The following CNBD1 variants were observed in gnomAD, a reference collection of about 807,000 sequenced individuals.
CNBD1 encodes cyclic nucleotide-binding domain-containing protein 1.
CNBD1 carries 71 observed loss-of-function variants against 54.4 expected under a neutral mutation model. The observed-to-expected ratio is 1.30, with a 90% CI of 1.08 to 1.59. The LOEUF is 1.59. Ranked by LOEUF, CNBD1 falls within the 40% of genes most tolerant of loss-of-function variation. The pLI, the probability that CNBD1 is intolerant of heterozygous loss-of-function variation, is 0.00. For synonymous variants in CNBD1, 182 were observed against 170.7 expected, an observed-to-expected ratio of 1.07 and a Z score of -0.51; for missense variants, 659 against 518.0, an observed-to-expected ratio of 1.27 and a Z score of -2.64.
At chr8:87,008,085 TACTG>T (rs1364752848) in intron 4 of CNBD1, among the ~76,000 whole-genome samples, 1 of 152,208 alleles carries the variant, frequency 6.6e-6, no homozygotes, top group African/African-American at 2.4e-5. Flanking sequence ...ATTTTATCTA[TACTG>T]ACTACTTCTA....
At chr8:87,404,829 G>T (rs1279310566) in intron 2 of CNBD1, among the ~76,000 whole-genome samples, 2 of 64,740 alleles carry the variant, frequency 3.1e-5, no homozygotes, top group African/African-American at 1.5e-4. Flanking sequence ...ATCTTTTTCT[G>T]CAGGCAACAA....
At chr8:87,417,833 T>A (rs933835067) in intron 2 of CNBD1, among the ~76,000 whole-genome samples, 1 of 151,822 alleles carries the variant, frequency 6.6e-6, no homozygotes, top group Non-Finnish European at 1.5e-5. Flanking sequence ...AACAATATAC[T>A]TAGAAATATA....
chr8:87,254,208 G>T (rs889506481), intron 6 of CNBD1, among the ~76,000 whole-genome samples: 2 of 152,114 alleles, frequency 1.3e-5, no homozygotes, highest in African/African-American at 4.8e-5. Flanking sequence ...ACCTGAGGAC[G>T]AAATCCTTGG....
chr8:87,300,701 G>GTGTGT (rs61665988), intron 8 of CNBD1, among the ~76,000 whole-genome samples: 2 of 152,028 alleles, frequency 1.3e-5, no homozygotes, highest in South Asian at 4.1e-4. Context: ...ATATGTGTGT[G>GTGTGT]ATACACACAC....
intron 4 of CNBD1, among the ~76,000 whole-genome samples, chr8:86,960,103 A>C (rs756672556): frequency 3.3e-5 from 5 of 152,162 alleles, no homozygotes; most frequent in Non-Finnish European, 7.3e-5. Context: ...GTGCATTTCC[A>C]ACTGAGGTAC....
intron 4 of CNBD1, among the ~76,000 whole-genome samples, chr8:86,954,768 G>C (rs1807717380): frequency 1.3e-5 from 2 of 152,144 alleles, no homozygotes; most frequent in South Asian, 4.1e-4. Flanking sequence ...TTTCAGCATA[G>C]CTAGGAGCAT....
In CNBD1 at chr8:87,205,993, G is replaced by A. The variant is rs1251467718; in HGVS notation, c.432G>A (p.Leu144=). 2 of 1,469,420 alleles carry A rather than the reference G, an allele frequency of 1.4e-6. No individual in the cohort carries two copies. The highest frequency in any genetic ancestry group is 1.8e-6 in the Non-Finnish European group (2 of 1,113,838). 91.0% of individuals were successfully genotyped at this position (1,469,420 alleles called of 1,614,324 possible). The change falls in exon 5 of 11, where the codon TTG becomes TTA. Residue 144 remains leucine, a splice_region_variant and synonymous_variant. Coordinates refer to ENST00000518476, the MANE Select transcript of CNBD1 (RefSeq NM_173538.3). ...FEEFLAILKK[L]PIHRTPYEHK... ...ATTTGTATTTTTTTTTTTTTTTGAG[G>A]CCCATTCACAGGACGCCATATGAAC...
intron 8 of CNBD1, among the ~76,000 whole-genome samples, chr8:87,293,315 G>A (rs894090409): frequency 2.0e-5 from 3 of 152,046 alleles, no homozygotes; most frequent in African/African-American, 7.2e-5. Flanking sequence ...AGGCTGAGGT[G>A]GGCTGACCAC....
chr8:87,330,020 T>C (rs1413782062), intron 8 of CNBD1, among the ~76,000 whole-genome samples: 1 of 152,010 alleles, frequency 6.6e-6, no homozygotes, highest in Non-Finnish European at 1.5e-5. Context: ...TTATTTTAAC[T>C]GTAGGGTTTT....
At chr8:87,045,656 C>T (rs558306418) in intron 4 of CNBD1, among the ~76,000 whole-genome samples, 5 of 141,946 alleles carry the variant, frequency 3.5e-5, no homozygotes, top group East Asian at 4.3e-4. Context: ...ACCCGGTAGG[C>T]GGAGCTTGCA....
At chr8:87,401,348 G>A (rs1270584303) in intron 2 of CNBD1, among the ~76,000 whole-genome samples, 1 of 151,918 alleles carries the variant, frequency 6.6e-6, no homozygotes, top group Admixed American at 6.6e-5. Context: ...CTTCAGAAGG[G>A]GAAAGTGTCA....
intron 4 of CNBD1, among the ~76,000 whole-genome samples, chr8:87,069,032 G>A (rs1036928604): frequency 6.6e-6 from 1 of 152,092 alleles, no homozygotes; most frequent in East Asian, 1.9e-4. Flanking sequence ...TATGGTTGAG[G>A]TGAGGAAAAG....
chr8:87,101,836 GA>G (rs2130693853), intron 4 of CNBD1, among the ~76,000 whole-genome samples: 1 of 151,866 alleles, frequency 6.6e-6, no homozygotes, highest in East Asian at 1.9e-4. Context: ...GCTTTGAGGG[GA>G]CAATTTGCTG....
At chr8:87,400,399 G>T (rs1263740548) in intron 2 of CNBD1, among the ~76,000 whole-genome samples, 1 of 151,900 alleles carries the variant, frequency 6.6e-6, no homozygotes, top group South Asian at 2.1e-4. Context: ...CCATTCTTGG[G>T]TAGAAAACTG....
rs545024587 is a variant in CNBD1, at chr8:86,943,335, C to G, written c.431+3581C>G. On this transcript the variant is annotated intron_variant, in intron 4 of 10. Coordinates refer to ENST00000518476, the MANE Select transcript of CNBD1 (RefSeq NM_173538.3). ...CGAGCCGAGATTGGGCCACTGCACT[C>G]CAGCCTGGTGACAGAGCAAGACTCC... Among the ~76,000 whole-genome samples, 5 of 140,182 alleles carry G rather than the reference C, an allele frequency of 3.6e-5. No individual in the cohort carries two copies. The South Asian group carries it at 1.1e-3, about 32-fold the overall frequency. 92.0% of individuals were successfully genotyped at this position (140,182 alleles called of 152,430 possible).
chr8:87,007,781 A>G (rs1362394600), intron 4 of CNBD1, among the ~76,000 whole-genome samples: 1 of 152,208 alleles, frequency 6.6e-6, no homozygotes, highest in Non-Finnish European at 1.5e-5. Context: ...TTTGTCATAC[A>G]TTAATATTTG....
intron 6 of CNBD1, among the ~76,000 whole-genome samples, chr8:87,277,271 C>T (rs1808502133): frequency 6.6e-6 from 1 of 151,586 alleles, no homozygotes; most frequent in Non-Finnish European, 1.5e-5. Context: ...ATAATTCTGT[C>T]TTATTCAGGG....
intron 4 of CNBD1, among the ~76,000 whole-genome samples, chr8:87,117,963 G>A (rs1023582746): frequency 1.8e-4 from 27 of 151,994 alleles, no homozygotes; most frequent in Non-Finnish European, 3.1e-4. Flanking sequence ...TTATATTCTG[G>A]GGTAAAGACA....
intron 10 of CNBD1, among the ~76,000 whole-genome samples, chr8:87,380,602 A>T (rs959577423): frequency 4.6e-5 from 7 of 151,952 alleles, no homozygotes; most frequent in Admixed American, 4.0e-4. Flanking sequence ...TGTAGGTCTC[A>T]TTGGGTAATA....
Sources: gnomAD v4.1 joint callset for allele counts (sites outside exome capture counted in the v4.1 genomes callset) on GRCh38, gnomAD v4.1.1 for gene constraint, MANE v1.5 for transcripts, NCBI Gene and HGNC (gene_info 2026-07-23, HGNC 2026-07-21) for gene names.